The following ZNF813 variants were observed in gnomAD, a reference collection of about 807,000 sequenced individuals.
ZNF813 encodes the protein zinc finger protein 813.
ZNF813 carries 3 observed loss-of-function variants against 7.2 expected under a neutral mutation model. That is an observed-to-expected ratio of 0.42 (90% CI 0.19 to 1.08). The LOEUF (loss-of-function observed/expected upper bound fraction) is 1.08, where lower values mean the gene tolerates loss of function less well. Among genes scored for constraint, ZNF813 ranks in the 50% least tolerant of loss-of-function variants. ZNF813 has a pLI of 0.30. For synonymous variants in ZNF813, 227 were observed against 256.3 expected (o/e 0.89, Z 1.09); for missense variants, 714 against 753.3 (o/e 0.95, Z 0.61).
intron 3 of ZNF813, among the ~76,000 whole-genome samples, chr19:53,486,984 T>C (rs2086437559): frequency 9.7e-6 from 1 of 103,076 alleles, no homozygotes; most frequent in East Asian, 2.6e-4. Context: ...TTTTTTAGTT[T>C]TTTTTTTTTT....
Position 53,490,579 on chromosome 19 carries a change from T to C in ZNF813, c.347T>C (p.Ile116Thr), listed in dbSNP as rs1415834420. The C allele has an allele frequency of 2.5e-6, 4 of 1,613,872 alleles. No individual in the cohort carries two copies. In the Admixed American group the frequency reaches 5.0e-5, roughly 20 times the overall value. Residue 116 changes from isoleucine to threonine, a missense_variant, in exon 4 of 4, where the codon ATC (isoleucine) becomes ACC (threonine). Coordinates refer to ENST00000396403, the MANE Select transcript of ZNF813 (RefSeq NM_001004301.4). ...AGCCATGAAGCACCCATGACAGAAA[T>C]CAAAAAGTTGACTGGTAGTGCAGAC... ...RNSHEAPMTE[I>T]KKLTGSADRY...
At chr19:53,487,098 C>T (rs1483411802) in intron 3 of ZNF813, among the ~76,000 whole-genome samples, 1 of 151,720 alleles carries the variant, frequency 6.6e-6, no homozygotes, top group Admixed American at 6.6e-5. Flanking sequence ...ATTACAGGCA[C>T]CAACCCCCAT....
chr19:53,490,653 G>C lies in ZNF813; in HGVS notation c.421G>C (p.Gly141Arg), dbSNP rs773345824. 4 of 1,614,158 alleles carry C rather than the reference G, an allele frequency of 2.5e-6. No individual in the cohort carries two copies. The highest frequency in any genetic ancestry group is 3.4e-6 in the Non-Finnish European group (4 of 1,180,024). The change falls in exon 4 of 4, where the codon GGA (glycine) becomes CGA (arginine). Residue 141 changes from glycine (G) to arginine (R), a missense_variant. By Grantham distance (125) the Gly-to-Arg change is moderately radical. Transcript: ENST00000396403. ...AAACAAGCCTATTAAAGATCAGCTT[G>C]GATCAAGCTTTCATTCGCATCTGCC... The part of the protein sequence containing the change: ...AGNKPIKDQL[G>R]SSFHSHLPEL...
chr19:53,492,581 C>T lies in ZNF813; in HGVS notation c.*495C>T, dbSNP rs1029062188. 3.2e-6 allele frequency: 2 copies of T among 621,310 alleles called. No individual in the cohort carries two copies. Among genetic ancestry groups the T allele is most frequent in the Non-Finnish European group, 5.8e-6 (2 of 347,776 alleles). 38.5% of individuals were successfully genotyped at this position (621,310 alleles called of 1,614,324 possible). ...GTCTGGCAAAGCCTTAATGAGCAGT[C>T]AACACTTACTCACCATCAGGCAATC... On this transcript the variant is annotated 3_prime_UTR_variant, in exon 4 of 4. Transcript: ENST00000396403.
In ZNF813 at chr19:53,494,638, T is replaced by C. The variant is rs10425240; in HGVS notation, c.*2552T>C. 89,489 of 137,844 alleles carry C rather than the reference T, an allele frequency of 0.65. 26,954 individuals are homozygous for C. Among genetic ancestry groups the C allele is most frequent in the Admixed American group, 0.7 (9,681 of 13,896 alleles). 8.5% of individuals were successfully genotyped at this position (137,844 alleles called of 1,614,324 possible). A position where few individuals can be genotyped will look rare whatever the true frequency, so the allele number is the denominator to read the frequency against. On this transcript the variant is annotated 3_prime_UTR_variant, in exon 4 of 4. Transcript: ENST00000396403. ...AGCCTGGTCAACAAGAGCGAAACTC[T>C]GTCTCAAAAAAAAAAAAAAGAAAAG...
chr19:53,482,711 TG>T lies in ZNF813; in HGVS notation c.-73-1038del, dbSNP rs749094091. Among the ~76,000 whole-genome samples the T allele has an allele frequency of 8.0e-4, 70 of 87,566 alleles. 1 individual carries two copies. Among genetic ancestry groups the T allele is most frequent in the South Asian group, 2.4e-3 (6 of 2,516 alleles). 57.4% of individuals were successfully genotyped at this position (87,566 alleles called of 152,430 possible). On this transcript the variant is annotated intron_variant, in intron 1 of 3. Coordinates refer to ENST00000396403, the MANE Select transcript of ZNF813 (RefSeq NM_001004301.4). ...CATCAATCACATCAGGAATGCTTTT[TG>T]TTTTTTTTTTTTTTTTTTTTTTTTT...
At chr19:53,485,507 T>A (rs1600112917) in intron 2 of ZNF813, among the ~76,000 whole-genome samples, 1 of 151,900 alleles carries the variant, frequency 6.6e-6, no homozygotes, top group Non-Finnish European at 1.5e-5. Context: ...TAACATCTAG[T>A]TTTTTGTGAG....
chr19:53,486,208 A>T (rs1308647229), intron 2 of ZNF813, among the ~76,000 whole-genome samples: 2 of 152,342 alleles, frequency 1.3e-5, no homozygotes, highest in African/African-American at 2.4e-5. Context: ...ATGTAATTCC[A>T]GCACTTTGAG....
chr19:53,485,585 CAT>C (rs66957945), intron 2 of ZNF813, among the ~76,000 whole-genome samples: 2,263 of 49,272 alleles, frequency 0.046, 28 homozygotes, highest in Non-Finnish European at 0.072. Context: ...TATGTCATGA[CAT>C]ATGTATGTCA....
intron 1 of ZNF813, among the ~76,000 whole-genome samples, chr19:53,472,839 C>T (rs191906641): frequency 2.0e-5 from 3 of 151,988 alleles, no homozygotes; most frequent in Non-Finnish European, 4.4e-5. Flanking sequence ...CTCGAACTCC[C>T]GACCTCAGGT....
chr19:53,486,405 C>T (rs1323258052), intron 2 of ZNF813, among the ~76,000 whole-genome samples: 1 of 150,912 alleles, frequency 6.6e-6, no homozygotes, highest in East Asian at 2.0e-4. Flanking sequence ...GGAGACTGTG[C>T]CATTGCACTC....
At chr19:53,489,174 A>C (rs1390742394) in intron 3 of ZNF813, among the ~76,000 whole-genome samples, 3 of 152,048 alleles carry the variant, frequency 2.0e-5, no homozygotes, top group African/African-American at 4.8e-5. Flanking sequence ...CACCCGGCTA[A>C]TTTTGTATTG....
At chr19:53,476,955 C>G (rs1347485435) in intron 1 of ZNF813, among the ~76,000 whole-genome samples, 1 of 152,158 alleles carries the variant, frequency 6.6e-6, no homozygotes, top group Non-Finnish European at 1.5e-5. Flanking sequence ...AGCCACCGCG[C>G]CTGGCTGTGG....
At chr19:53,468,629 G>T (rs1293481957) in intron 1 of ZNF813, among the ~76,000 whole-genome samples, 2 of 152,174 alleles carry the variant, frequency 1.3e-5, no homozygotes, top group African/African-American at 2.4e-5. Context: ...TTCAAGGAAA[G>T]GTACTGTGCC....
intron 2 of ZNF813, among the ~76,000 whole-genome samples, chr19:53,485,549 T>TATGTATGTCATGACATATATAC (rs1161269869): frequency 1.4e-5 from 2 of 148,118 alleles, no homozygotes; most frequent in Non-Finnish European, 3.0e-5. Context: ...TGTTGACATA[T>TATGTATGTCATGACATATATAC]ATGTATGTCA....
intron 1 of ZNF813, among the ~76,000 whole-genome samples, chr19:53,474,621 A>G (rs2086373929): frequency 6.6e-6 from 1 of 152,078 alleles, no homozygotes; most frequent in South Asian, 2.1e-4. Context: ...CCCGGGAAGC[A>G]GAGGTTGCAG....
At chr19:53,482,897 G>GTATTTT (rs1342429223) in intron 1 of ZNF813, among the ~76,000 whole-genome samples, 1 of 149,478 alleles carries the variant, frequency 6.7e-6, no homozygotes, top group East Asian at 1.9e-4. Context: ...GCTAATTATT[G>GTATTTT]TATTTTTATT....
chr19:53,487,372 G>A (rs1489715603), intron 3 of ZNF813, among the ~76,000 whole-genome samples: 1 of 151,640 alleles, frequency 6.6e-6, no homozygotes, highest in Non-Finnish European at 1.5e-5. Context: ...TTGCTTTTTT[G>A]TGTAGACATG....
At chr19:53,479,537 A>T in intron 1 of ZNF813, 3 of 1,264,524 alleles carry the variant, frequency 2.4e-6, no homozygotes, top group Non-Finnish European at 3.4e-6. Flanking sequence ...GAGGAGCTGG[A>T]CTGTGCTCAG....
Sources: allele counts gnomAD v4.1 joint callset (sites outside exome capture counted in the v4.1 genomes callset), GRCh38; gene constraint gnomAD v4.1.1; transcripts MANE v1.5; gene names NCBI Gene and HGNC (gene_info 2026-07-23, HGNC 2026-07-21).